ICOS: variants seen among roughly 807,000 people sequenced by gnomAD.
ICOS encodes the protein inducible T cell costimulator, also known as inducible T-cell costimulator.
A neutral mutation model predicts 24.6 loss-of-function variants in ICOS; 15 were observed. The observed-to-expected ratio is 0.61, with a 90% CI of 0.41 to 0.94. The LOEUF (loss-of-function observed/expected upper bound fraction) is 0.94. ICOS is among the 40% of genes least tolerant of loss of function. The pLI is 0.00. For missense variants in ICOS, 200 were observed against 233.0 expected (o/e 0.86, Z 0.92); for synonymous variants, 89 against 77.5 (o/e 1.15, Z -0.78).
chr2:203,947,481 A>G (rs943079400), intron 1 of ICOS, among the ~76,000 whole-genome samples: 1 of 151,760 alleles, frequency 6.6e-6, no homozygotes, highest in Non-Finnish European at 1.5e-5. Context: ...GCTAATTTTT[A>G]TATTATTAGT....
intron 1 of ICOS, among the ~76,000 whole-genome samples, chr2:203,951,347 C>T (rs1342556238): frequency 6.6e-6 from 1 of 152,202 alleles, no homozygotes. Flanking sequence ...CAGTTGTTTG[C>T]AGTCTTATCT....
At chr2:203,946,686 T>A (rs917547249) in intron 1 of ICOS, among the ~76,000 whole-genome samples, 2 of 152,294 alleles carry the variant, frequency 1.3e-5, no homozygotes, top group East Asian at 1.9e-4. Context: ...AATGCCAGAA[T>A]TTCTTAGTAA....
intron 1 of ICOS, among the ~76,000 whole-genome samples, chr2:203,941,642 A>G (rs1034025029): frequency 3.3e-5 from 5 of 152,238 alleles, no homozygotes. Context: ...CAATAACTGA[A>G]GAAAAGATCA....
chr2:203,956,707 C>A lies in ICOS; in HGVS notation c.443C>A (p.Ala148Glu). The A allele has an allele frequency of 1.2e-6, 2 of 1,613,510 alleles. No homozygotes were observed. The highest frequency in any genetic ancestry group is 1.7e-6 in the Non-Finnish European group (2 of 1,179,526). The part of the protein sequence containing the change: ...QLKFWLPIGC[A>E]AFVVVCILGC... ...AAGTTCTGGTTACCCATAGGATGTG[C>A]AGCCTTTGTTGTAGTCTGCATTTTG... is the stretch of plus-strand genomic sequence containing the variant. Residue 148 changes from alanine to glutamate, a missense_variant, in exon 3 of 5, where the codon GCA (alanine) becomes GAA (glutamate). Coordinates refer to ENST00000316386, the MANE Select transcript of ICOS (RefSeq NM_012092.4).
intron 1 of ICOS, among the ~76,000 whole-genome samples, chr2:203,945,777 C>T (rs548502948): frequency 9.8e-4 from 149 of 152,272 alleles, no homozygotes; most frequent in African/African-American, 3.3e-3. Flanking sequence ...ATTTATGCAG[C>T]GCATGACTGT....
Position 203,960,140 on chromosome 2 carries a change from A to C in ICOS, c.*541A>C. 6.2e-6 allele frequency: 1 copy of C among 162,324 alleles called. No individual in the cohort carries two copies. Among genetic ancestry groups the C allele is most frequent in the Non-Finnish European group, 1.4e-5 (1 of 73,218 alleles). 10.1% of individuals were successfully genotyped at this position (162,324 alleles called of 1,614,324 possible). On this transcript the variant is annotated 3_prime_UTR_variant, in exon 5 of 5. Coordinates refer to ENST00000316386, the MANE Select transcript of ICOS (RefSeq NM_012092.4). ...AACTGTACATTAGTACATACTCAGT[A>C]CTCTCCTTCAATTGCTGAACCCCAG...
intron 1 of ICOS, among the ~76,000 whole-genome samples, chr2:203,945,744 A>G (rs1689855897): frequency 6.6e-6 from 1 of 152,250 alleles, no homozygotes; most frequent in South Asian, 2.1e-4. Flanking sequence ...CCATATATAC[A>G]GTCCATCGTT....
chr2:203,939,796 G>A (rs1245408296), intron 1 of ICOS, among the ~76,000 whole-genome samples: 2 of 152,118 alleles, frequency 1.3e-5, no homozygotes, highest in Non-Finnish European at 2.9e-5. Flanking sequence ...GCCTCTCCAC[G>A]ACTGAGTAAA....
intron 2 of ICOS, 81 bp downstream of exon 2, chr2:203,956,052 C>A: frequency 3.3e-6 from 3 of 915,512 alleles, no homozygotes; most frequent in Non-Finnish European, 5.1e-6. Context: ...ATCAATTAGA[C>A]AAATAAATAT....
intron 1 of ICOS, among the ~76,000 whole-genome samples, chr2:203,946,615 A>G (rs1303158568): frequency 1.3e-5 from 2 of 152,342 alleles, no homozygotes; most frequent in Non-Finnish European, 2.9e-5. Context: ...TGGTAGACTC[A>G]TAAGACATGA....
intron 1 of ICOS, among the ~76,000 whole-genome samples, chr2:203,946,650 A>G (rs1466851066): frequency 6.6e-6 from 1 of 152,216 alleles, no homozygotes; most frequent in Non-Finnish European, 1.5e-5. Context: ...AAGGTGAGAA[A>G]AGTGGTAGGA....
chr2:203,941,909 G>A (rs1305110812), intron 1 of ICOS, among the ~76,000 whole-genome samples: 2 of 152,126 alleles, frequency 1.3e-5, no homozygotes, highest in Non-Finnish European at 2.9e-5. Flanking sequence ...AGATTTGCAA[G>A]TTTAGAGAGT....
intron 1 of ICOS, among the ~76,000 whole-genome samples, chr2:203,949,309 T>C (rs1166086456): frequency 6.6e-6 from 1 of 152,244 alleles, no homozygotes; most frequent in Non-Finnish European, 1.5e-5. Flanking sequence ...TCTAGCTTCC[T>C]GTGGTTGCCT....
chr2:203,940,436 T>A (rs1273527489), intron 1 of ICOS, among the ~76,000 whole-genome samples: 1 of 152,196 alleles, frequency 6.6e-6, no homozygotes, highest in Admixed American at 6.5e-5. Flanking sequence ...TCTAATCTAA[T>A]GATCAGAAGA....
intron 2 of ICOS, among the ~76,000 whole-genome samples, chr2:203,956,320 T>C (rs1477089558): frequency 1.3e-5 from 2 of 152,276 alleles, no homozygotes; most frequent in South Asian, 4.1e-4. Flanking sequence ...GATTTAAGGT[T>C]TGGTTTTGCA....
At chr2:203,942,238 TAAC>T (rs1415591844) in intron 1 of ICOS, among the ~76,000 whole-genome samples, 4 of 152,192 alleles carry the variant, frequency 2.6e-5, no homozygotes, top group Admixed American at 2.0e-4. Flanking sequence ...AAAACAACAA[TAAC>T]AACAACAAGC....
intron 1 of ICOS, among the ~76,000 whole-genome samples, chr2:203,944,433 G>A (rs540277614): frequency 1.3e-5 from 2 of 152,314 alleles, no homozygotes; most frequent in South Asian, 2.1e-4. Context: ...CGGTCAGAGT[G>A]TGTGTTTGGG....
chr2:203,956,346 G>C (rs1457119890), intron 2 of ICOS, among the ~76,000 whole-genome samples: 2 of 152,160 alleles, frequency 1.3e-5, no homozygotes, highest in African/African-American at 4.8e-5. Context: ...TTTGTGGAAT[G>C]AAGTATGATG....
chr2:203,950,726 G>A (rs764903209), intron 1 of ICOS, among the ~76,000 whole-genome samples: 4 of 152,132 alleles, frequency 2.6e-5, no homozygotes, highest in African/African-American at 9.7e-5. Context: ...ATAAATAGGC[G>A]ATCCAGGTAG....
Sources: allele counts gnomAD v4.1 joint callset (sites outside exome capture counted in the v4.1 genomes callset), GRCh38; gene constraint gnomAD v4.1.1; transcripts MANE v1.5; gene names NCBI Gene and HGNC (gene_info 2026-07-23, HGNC 2026-07-21).